Variants in ZSCAN5A observed in about 807,000 individuals in gnomAD.
ZSCAN5A encodes zinc finger and SCAN domain-containing protein 5A.
ZSCAN5A carries 12 observed loss-of-function variants against 23.7 expected under a neutral mutation model. The observed-to-expected ratio is 0.51, with a 90% CI of 0.32 to 0.82. The LOEUF (loss-of-function observed/expected upper bound fraction) is 0.82. Ranked by LOEUF, ZSCAN5A falls within the 40% of genes least tolerant of loss-of-function variation. The pLI, the probability that ZSCAN5A is intolerant of heterozygous loss-of-function variation, is 0.03. For synonymous variants in ZSCAN5A, 257 were observed against 239.9 expected (o/e 1.07, Z -0.66); for missense variants, 597 against 617.9 (o/e 0.97, Z 0.36).
rs777832426 is a variant in ZSCAN5A, at chr19:56,221,559, A to G, written c.*16T>C. 2 of 1,551,090 alleles carry G rather than the reference A, an allele frequency of 1.3e-6. No individual in the cohort carries two copies. Among genetic ancestry groups the G allele is most frequent in the South Asian group, 1.2e-5 (1 of 83,642 alleles). On this transcript the variant is annotated 3_prime_UTR_variant, in exon 6 of 6. Coordinates refer to ENST00000683990, the MANE Select transcript of ZSCAN5A (RefSeq NM_001322064.3). ...CACTTCTTCTTGGTGCAGAAGGCAT[A>G]GACCGGATTATGCAATCACTGAGAA...
rs781144172 is a variant in ZSCAN5A, at chr19:56,222,053, G to A, written c.1013C>T (p.Pro338Leu). 3.1e-6 allele frequency: 5 copies of A among 1,614,196 alleles called. No homozygotes were observed. In the South Asian group the frequency reaches 3.3e-5, roughly 11 times the overall value. ...ATCCGGGTGACTGACTGGGCTCGCA[G>A]GGCCTGGGGAATGAATTGAATTCAT... is the stretch of plus-strand genomic sequence containing the variant. ...AGMNSIHSPG[P>L]ASPVSHPDGQ... is the part of the protein sequence containing the mutation. Residue 338 changes from proline to leucine, a missense_variant, in exon 6 of 6, where the codon CCT (proline) becomes CTT (leucine). Physicochemically the swap from Pro to Leu is moderately conservative, Grantham distance 98. Coordinates refer to ENST00000683990, the MANE Select transcript of ZSCAN5A (RefSeq NM_001322064.3).
At chr19:56,272,795 T>C (rs1326213865) in intron 2 of ZSCAN5A, 9 of 864,218 alleles carry the variant, frequency 1.0e-5, no homozygotes, top group African/African-American at 3.7e-5. Flanking sequence ...GTCCTGTCTA[T>C]CCTAGGAGGA....
intron 2 of ZSCAN5A, among the ~76,000 whole-genome samples, chr19:56,350,129 TATAAC>T (rs1338382165): frequency 2.0e-5 from 3 of 152,334 alleles, no homozygotes; most frequent in African/African-American, 7.2e-5. Context: ...TTATCATCCT[TATAAC>T]AGGATTAATA....
At chr19:56,269,512 G>C (rs1480529739) in intron 2 of ZSCAN5A, among the ~76,000 whole-genome samples, 1 of 152,162 alleles carries the variant, frequency 6.6e-6, no homozygotes, top group Non-Finnish European at 1.5e-5. Flanking sequence ...CTGTTAATCA[G>C]CTGACCTTGT....
At chr19:56,246,036 C>T (rs186366935) in intron 2 of ZSCAN5A, among the ~76,000 whole-genome samples, 61 of 152,008 alleles carry the variant, frequency 4.0e-4, no homozygotes, top group South Asian at 8.3e-4. Flanking sequence ...GGCAGGGAGA[C>T]GTTGGCACAG....
At position 56,284,454 on chromosome 19, in the gene ZSCAN5A, G is replaced by C. The variant is rs141138000; in HGVS notation, c.-128+28829C>G. ...CTCATTCTTTATAAACTCAAAGTCT[G>C]GTGGGAAACAGAGATAAGTAAACAG... On this transcript the variant is annotated intron_variant, in intron 2 of 5. Transcript: ENST00000683990. Among the ~76,000 whole-genome samples the C allele has an allele frequency of 2.7e-3, 403 of 151,256 alleles. 1 individual carries two copies. The highest frequency in any genetic ancestry group is 9.4e-3 in the African/African-American group (388 of 41,226).
intron 2 of ZSCAN5A, among the ~76,000 whole-genome samples, chr19:56,227,120 T>C (rs763922057): frequency 6.6e-6 from 1 of 152,144 alleles, no homozygotes; most frequent in Non-Finnish European, 1.5e-5. Context: ...CTTCAGTTCA[T>C]AACAATGTAT....
intron 2 of ZSCAN5A, among the ~76,000 whole-genome samples, chr19:56,258,111 C>CTGAT (rs1170612881): frequency 2.0e-5 from 3 of 151,392 alleles, no homozygotes; most frequent in African/African-American, 7.4e-5. Flanking sequence ...CTACCACTGC[C>CTGAT]CATCTTCTTA....
At position 56,304,870 on chromosome 19, in the gene ZSCAN5A, G is replaced by A; in HGVS notation, c.-128+8413C>T. ...GGAAGTGGGCTTTTCCCACCGCTGG[G>A]GTGGGGTTAGGGGAGGTTCATCCCA... On this transcript the variant is annotated intron_variant, in intron 2 of 5. Coordinates refer to ENST00000683990, the MANE Select transcript of ZSCAN5A (RefSeq NM_001322064.3). 3 of 896,250 alleles carry A rather than the reference G, an allele frequency of 3.3e-6. No individual in the cohort carries two copies. The African/African-American group carries it at 5.4e-5, about 16-fold the overall frequency. 55.5% of individuals were successfully genotyped at this position (896,250 alleles called of 1,614,324 possible).
intron 1 of ZSCAN5A, chr19:56,364,814 C>T (rs1037144912): frequency 3.9e-5 from 6 of 152,284 alleles, no homozygotes; most frequent in Admixed American, 2.6e-4. Flanking sequence ...CAAAAGAATA[C>T]ATATTGTATA....
At chr19:56,301,730 T>C (rs1478112552) in intron 2 of ZSCAN5A, among the ~76,000 whole-genome samples, 1 of 152,056 alleles carries the variant, frequency 6.6e-6, no homozygotes, top group Non-Finnish European at 1.5e-5. Flanking sequence ...TCAGATTTGG[T>C]GATGTCTTGG....
intron 2 of ZSCAN5A, among the ~76,000 whole-genome samples, chr19:56,229,068 G>A (rs1339163725): frequency 6.6e-6 from 1 of 152,178 alleles, no homozygotes; most frequent in Non-Finnish European, 1.5e-5. Flanking sequence ...TTAACGGTGG[G>A]TGTGAATTTT....
At chr19:56,283,269 T>C (rs1166769357) in intron 2 of ZSCAN5A, 2 of 152,218 alleles carry the variant, frequency 1.3e-5, no homozygotes, top group African/African-American at 2.4e-5. Flanking sequence ...ATCATTATTA[T>C]TATTACGTAC....
chr19:56,240,152 ACT>A (rs1000207621), intron 2 of ZSCAN5A, among the ~76,000 whole-genome samples: 2 of 151,040 alleles, frequency 1.3e-5, no homozygotes, highest in Non-Finnish European at 2.9e-5. Context: ...ACAGTGTGAG[ACT>A]CTGTCTCAAA....
Position 56,284,726 on chromosome 19 carries a change from C to A in ZSCAN5A, c.-128+28557G>T, listed in dbSNP as rs560236307. On this transcript the variant is annotated intron_variant, in intron 2 of 5. Coordinates refer to ENST00000683990, the MANE Select transcript of ZSCAN5A (RefSeq NM_001322064.3). ...AATGGGTTTGGCCATGTTGTCCAGG[C>A]TGGTCTTGAACTCCTGACCTCAGGT... Among the ~76,000 whole-genome samples, 20 of 152,100 alleles carry A rather than the reference C, an allele frequency of 1.3e-4. No homozygotes were observed. The South Asian group carries it at 4.2e-3, about 32-fold the overall frequency.
chr19:56,317,523 C>T (rs1244793322), upstream of ZSCAN5A: 1 of 152,306 alleles, frequency 6.6e-6, no homozygotes, highest in African/African-American at 2.4e-5. Flanking sequence ...CGAAGGGAGG[C>T]TCTGTCCCCA....
At chr19:56,337,646 G>A (rs1158949753) in intron 2 of ZSCAN5A, among the ~76,000 whole-genome samples, 1 of 152,172 alleles carries the variant, frequency 6.6e-6, no homozygotes, top group East Asian at 1.9e-4. Flanking sequence ...TACCTCAGTT[G>A]GAAATGCAGA....
chr19:56,348,343 C>A (rs2041647744), intron 2 of ZSCAN5A, among the ~76,000 whole-genome samples: 1 of 152,080 alleles, frequency 6.6e-6, no homozygotes, highest in Non-Finnish European at 1.5e-5. Flanking sequence ...CCTTAGTTGA[C>A]ACACGCTTGC....
chr19:56,325,491 G>A (rs899280810), intron 2 of ZSCAN5A, among the ~76,000 whole-genome samples: 7 of 152,172 alleles, frequency 4.6e-5, no homozygotes, highest in East Asian at 1.9e-4. Flanking sequence ...AGGTCATGGG[G>A]CTTAGCTTGC....
Sources: allele counts gnomAD v4.1 joint callset (sites outside exome capture counted in the v4.1 genomes callset), GRCh38; gene constraint gnomAD v4.1.1; transcripts MANE v1.5; gene names NCBI Gene and HGNC (gene_info 2026-07-23, HGNC 2026-07-21).